The following GRK5 variants were observed in gnomAD, a reference collection of about 807,000 sequenced individuals.
GRK5 encodes the protein G protein-coupled receptor kinase 5.
In GRK5, 40 loss-of-function variants were observed where a neutral mutation model predicts 78.4. That is an observed-to-expected ratio of 0.51 (90% CI 0.40 to 0.66). The LOEUF (loss-of-function observed/expected upper bound fraction) is 0.66. Among genes scored for constraint, GRK5 ranks in the 30% least tolerant of loss-of-function variants. The pLI, the probability that GRK5 is intolerant of heterozygous loss-of-function variation, is 0.00. For missense variants in GRK5, 598 were observed against 759.9 expected, an observed-to-expected ratio of 0.79 and a Z score of 2.50; for synonymous variants, 289 against 296.8, an observed-to-expected ratio of 0.97 and a Z score of 0.27.
intron 4 of GRK5, among the ~76,000 whole-genome samples, chr10:119,414,137 C>T (rs970963739): frequency 3.9e-5 from 6 of 152,228 alleles, no homozygotes; most frequent in Non-Finnish European, 8.8e-5. Context: ...TCCTGCTCAG[C>T]CTTCCTGAAA....
chr10:119,423,196 G>T lies in GRK5; in HGVS notation c.370G>T (p.Asp124Tyr). The T allele has an allele frequency of 6.2e-7, 1 of 1,614,130 alleles. No individual in the cohort carries two copies. Among genetic ancestry groups the T allele is most frequent in the South Asian group, 1.1e-5 (1 of 91,082 alleles). Residue 124 changes from aspartate (D) to tyrosine (Y), a missense_variant, in exon 5 of 16, where the codon GAC (aspartate) becomes TAC (tyrosine). Physicochemically the swap from Asp to Tyr is radical, Grantham distance 160 (BLOSUM62 -3). Transcript: ENST00000392870. The part of the protein sequence containing the change: ...SPVFIAQVGQ[D>Y]LVSQTEEKLL... ...TGTTTTCATAGCCCAAGTTGGCCAA[G>T]ACCTGGTCTCCCAGACGGAGGAGAA...
intron 1 of GRK5, among the ~76,000 whole-genome samples, chr10:119,314,983 C>T (rs2133746941): frequency 6.6e-6 from 1 of 152,274 alleles, no homozygotes; most frequent in African/African-American, 2.4e-5. Context: ...CTGTATCTGC[C>T]CCACTCCATC....
rs1331264250 is a variant in GRK5 at position 119,253,658 on chromosome 10, CA to C, written c.52+45690del. 6.6e-6 allele frequency among the ~76,000 whole-genome samples: 1 copy of C among 152,184 alleles called. No homozygotes were observed. The highest frequency in any genetic ancestry group is 1.5e-5 in the Non-Finnish European group (1 of 68,024). ...TGGTGTGAGTGGCCAGCTCTTTTTT[CA>C]CTGTGGCTCTGGGCAGCCCAGCCCA... On this transcript the variant is annotated intron_variant, in intron 1 of 15. Coordinates refer to ENST00000392870, the MANE Select transcript of GRK5 (RefSeq NM_005308.3). The surrounding 1 kb of genome is among the most constrained non-coding windows in gnomAD (Gnocchi z 5.7).
At chr10:119,218,003 C>T (rs1271531297) in intron 1 of GRK5, among the ~76,000 whole-genome samples, 1 of 152,152 alleles carries the variant, frequency 6.6e-6, no homozygotes, top group Non-Finnish European at 1.5e-5. Context: ...GAAAAGCTCT[C>T]TCCGGATGAC....
chr10:119,286,927 G>A (rs1301272811), intron 1 of GRK5, among the ~76,000 whole-genome samples: 1 of 152,196 alleles, frequency 6.6e-6, no homozygotes, highest in Non-Finnish European at 1.5e-5. Context: ...GGGCAGTTGT[G>A]AGGATGAAAT....
intron 6 of GRK5, among the ~76,000 whole-genome samples, chr10:119,427,720 A>G (rs1015077709): frequency 1.6e-4 from 22 of 134,778 alleles, no homozygotes; most frequent in African/African-American, 6.6e-4. Flanking sequence ...CATCATTAGT[A>G]TCACCACCAT....
In GRK5 at chr10:119,303,051, C is replaced by T. The variant is rs183284076; in HGVS notation, c.53-23465C>T. 3.6e-3 allele frequency among the ~76,000 whole-genome samples: 551 copies of T among 152,228 alleles called. 3 individuals are homozygous for T. Among genetic ancestry groups the T allele is most frequent in the African/African-American group, 0.013 (527 of 41,536 alleles). On this transcript the variant is annotated intron_variant, in intron 1 of 15. Transcript: ENST00000392870. The stretch of plus-strand genomic sequence containing the variant: ...AGGCTCAGAGAGGGTCTGTGACCCT[C>T]GTGAGGTTGCACAGTGGGCAGGAGC...
At chr10:119,389,801 A>AACACACACAC (rs66652162) in intron 3 of GRK5, among the ~76,000 whole-genome samples, 37 of 149,756 alleles carry the variant, frequency 2.5e-4, no homozygotes, top group Middle Eastern at 3.4e-3. Context: ...GATCATGAGC[A>AACACACACAC]ACACACACAC....
At chr10:119,365,321 G>A (rs1851428245) in intron 2 of GRK5, among the ~76,000 whole-genome samples, 2 of 152,190 alleles carry the variant, frequency 1.3e-5, no homozygotes, top group Non-Finnish European at 2.9e-5. Flanking sequence ...AAATGCATGA[G>A]GCATGTTGCT....
chr10:119,240,961 C>G (rs1272358380), intron 1 of GRK5, among the ~76,000 whole-genome samples: 1 of 152,210 alleles, frequency 6.6e-6, no homozygotes, highest in Non-Finnish European at 1.5e-5. Context: ...AATGCAGATG[C>G]CCAGGCCAAA....
chr10:119,241,450 G>A (rs1035849607), intron 1 of GRK5, among the ~76,000 whole-genome samples: 37 of 152,164 alleles, frequency 2.4e-4, no homozygotes, highest in Admixed American at 1.1e-3. Flanking sequence ...TTCCTGATGC[G>A]GGTCTTTCTT....
At chr10:119,218,300 T>G (rs1848608056) in intron 1 of GRK5, among the ~76,000 whole-genome samples, 1 of 151,952 alleles carries the variant, frequency 6.6e-6, no homozygotes, top group South Asian at 2.1e-4. Context: ...AGCTCTAAAC[T>G]TACCCACTCC....
At chr10:119,366,878 G>A (rs1851458915) in intron 2 of GRK5, among the ~76,000 whole-genome samples, 1 of 152,208 alleles carries the variant, frequency 6.6e-6, no homozygotes, top group Non-Finnish European at 1.5e-5. Flanking sequence ...TCTGCTGTCA[G>A]CAAGAGCTGA....
intron 1 of GRK5, among the ~76,000 whole-genome samples, chr10:119,322,313 C>A (rs758744451): frequency 6.6e-6 from 1 of 152,188 alleles, no homozygotes; most frequent in Non-Finnish European, 1.5e-5. Context: ...CTGTGCACAG[C>A]GCAATATTTA....
intron 2 of GRK5, among the ~76,000 whole-genome samples, chr10:119,368,629 G>A (rs905402230): frequency 1.4e-4 from 21 of 152,232 alleles, no homozygotes; most frequent in African/African-American, 3.9e-4. Flanking sequence ...AGGGTCAGAC[G>A]TGGAGCTGGA....
intron 1 of GRK5, among the ~76,000 whole-genome samples, chr10:119,313,089 A>ATGGTGGTGGTGGTGGTGG (rs1399334813): frequency 7.1e-5 from 4 of 56,078 alleles, no homozygotes; most frequent in African/African-American, 3.2e-4. Flanking sequence ...GGTGGTGGTG[A>ATGGTGGTGGTGGTGGTGG]TGGTGGTGAT....
intron 1 of GRK5, among the ~76,000 whole-genome samples, chr10:119,263,956 A>C (rs1291750940): frequency 6.6e-6 from 1 of 152,130 alleles, no homozygotes; most frequent in Non-Finnish European, 1.5e-5. Context: ...ATAAAACAAA[A>C]TAAAAAAATA....
At chr10:119,279,471 A>G (rs943446348) in intron 1 of GRK5, among the ~76,000 whole-genome samples, 1 of 152,206 alleles carries the variant, frequency 6.6e-6, no homozygotes, top group African/African-American at 2.4e-5. Flanking sequence ...GGGAAGATCC[A>G]GTTTTCTGAT....
intron 3 of GRK5, among the ~76,000 whole-genome samples, chr10:119,385,351 A>G (rs1851778027): frequency 6.6e-6 from 1 of 151,876 alleles, no homozygotes; most frequent in Non-Finnish European, 1.5e-5. Context: ...TGCAGTCTCA[A>G]CCTCCTGGAC....
Sources: gnomAD v4.1 joint callset for allele counts (sites outside exome capture counted in the v4.1 genomes callset) on GRCh38, gnomAD v4.1.1 for gene constraint, Gnocchi (gnomAD v3.1) non-coding constraint, MANE v1.5 for transcripts, NCBI Gene and HGNC (gene_info 2026-07-23, HGNC 2026-07-21) for gene names.